The following XYLT2 variants were observed in gnomAD, a reference collection of about 807,000 sequenced individuals.
The protein encoded by XYLT2 is UDP-D-xylose:proteoglycan core protein beta-D-xylosyltransferase.
In XYLT2, 37 loss-of-function variants were observed where a neutral mutation model predicts 82.6. The ratio of observed to expected loss-of-function variants is 0.45; its 90% confidence interval spans 0.34 to 0.59. The LOEUF (loss-of-function observed/expected upper bound fraction) is 0.59. XYLT2 is among the 20% of genes least tolerant of loss of function. The probability of loss-of-function intolerance (pLI) is 0.01; values close to 1 mark genes in which losing one functional copy is unlikely to be tolerated. For synonymous variants in XYLT2, 474 were observed against 499.0 expected, an observed-to-expected ratio of 0.95 and a Z score of 0.67; for missense variants, 934 against 1,181.3, an observed-to-expected ratio of 0.79 and a Z score of 3.07.
At chr17:50,348,638 C>T (rs902470057) in intron 1 of XYLT2, among the ~76,000 whole-genome samples, 1 of 152,202 alleles carries the variant, frequency 6.6e-6, no homozygotes. Context: ...AACACCATCT[C>T]ACCACTTGTT....
chr17:50,357,418 A>G, intron 9 of XYLT2, 166 bp downstream of exon 9: 1 of 631,406 alleles, frequency 1.6e-6, no homozygotes, highest in Non-Finnish European at 2.7e-6. Flanking sequence ...GCCTGTGCAC[A>G]CTGAGGAGCA....
At chr17:50,354,291 A>G (rs1399278758) in intron 2 of XYLT2, 117 bp from the exon 3 acceptor site, 1 of 1,488,950 alleles carries the variant, frequency 6.7e-7, no homozygotes, top group African/African-American at 1.4e-5. Context: ...GTGGGGACCC[A>G]CGAGCATGGA....
chr17:50,354,071 C>A lies in XYLT2; in HGVS notation c.577C>A (p.Gln193Lys), dbSNP rs1269693739. 6.2e-7 allele frequency: 1 copy of A among 1,607,764 alleles called. No homozygotes were observed. The highest frequency in any genetic ancestry group is 1.7e-5 in the Admixed American group (1 of 60,026). Residue 193 changes from glutamine to lysine, a missense_variant, in exon 2 of 11, where the codon CAG (glutamine) becomes AAG (lysine). By Grantham distance (53) the Gln-to-Lys change is moderately conservative (BLOSUM62 1). Transcript: ENST00000017003. The part of the protein sequence containing the change: ...QEIANVVCLH[Q>K]AGSLMPKAVP... Reference sequence around the variant, plus strand: ...GATCGCCAATGTGGTGTGCCTGCACCAGGCTGGGAGCCTCATGCCCAAGGC... The same window carrying A: ...GATCGCCAATGTGGTGTGCCTGCACAAGGCTGGGAGCCTCATGCCCAAGGC...
rs774325906 is a variant in XYLT2, at chr17:50,355,541, G to A, written c.1048G>A (p.Asp350Asn). 6.2e-7 allele frequency: 1 copy of A among 1,614,126 alleles called. No individual in the cohort carries two copies. Among genetic ancestry groups the A allele is most frequent in the Non-Finnish European group, 8.5e-7 (1 of 1,180,028 alleles). ...GGTGGCATTCCTATCCAAGAACCGGGACAAGAATTTCCTCAAGTCACATGG... is the reference window on the plus strand; with the variant it reads ...GGTGGCATTCCTATCCAAGAACCGGAACAAGAATTTCCTCAAGTCACATGG... ...ELVAFLSKNR[D>N]KNFLKSHGRD... The change falls in exon 5 of 11, where the codon GAC becomes AAC. Residue 350 changes from aspartate (D) to asparagine (N), a missense_variant. Asp to Asn is a conservative substitution (Grantham distance 23). This residue lies in a region of XYLT2 where 189 missense variants were observed against 320.8 expected (regional missense o/e 0.59). Coordinates refer to ENST00000017003, the MANE Select transcript of XYLT2 (RefSeq NM_022167.4).
rs371466649 is a variant in XYLT2, at chr17:50,358,433, G to A, written c.2168G>A (p.Arg723Gln). Residue 723 changes from arginine to glutamine, a missense_variant, in exon 10 of 11, where the codon CGG becomes CAG. By Grantham distance (43) the Arg-to-Gln change is conservative. This residue lies in a region of XYLT2 where 374 missense variants were observed against 465.6 expected (regional missense o/e 0.80). Coordinates refer to ENST00000017003, the MANE Select transcript of XYLT2 (RefSeq NM_022167.4). Reference sequence around the variant, plus strand: ...AAGCCCCCACTGAGCCGGCCCCTGCGGCCAGGGCCCTGGACTGTTCGACTC... The same window carrying A: ...AAGCCCCCACTGAGCCGGCCCCTGCAGCCAGGGCCCTGGACTGTTCGACTC... Reference protein sequence around the residue: ...QYKPPLSRPLRPGPWTVRLLQ... With the variant: ...QYKPPLSRPLQPGPWTVRLLQ... The A allele has an allele frequency of 6.8e-6, 11 of 1,614,156 alleles. No individual in the cohort carries two copies. Among genetic ancestry groups the A allele is most frequent in the Non-Finnish European group, 9.3e-6 (11 of 1,180,052 alleles).
rs779864368 is a variant in XYLT2, at chr17:50,356,605, A to AC, written c.1584dup (p.Gly529ArgfsTer17). On this transcript the variant is annotated frameshift_variant, in exon 8 of 11. Coordinates refer to ENST00000017003, the MANE Select transcript of XYLT2 (RefSeq NM_022167.4). LOFTEE classifies it high-confidence loss of function. ...CTGGACTTCCACCTGTATGGCAGCTACCCCCCCGGCACGCCAGCCCTCAAG... is the reference window on the plus strand; with the variant it reads ...CTGGACTTCCACCTGTATGGCAGCTACCCCCCCCGGCACGCCAGCCCTCAAG... 11 of 1,613,006 alleles carry AC rather than the reference A, an allele frequency of 6.8e-6. No individual in the cohort carries two copies. The highest frequency in any genetic ancestry group is 1.1e-5 in the South Asian group (1 of 91,026).
Position 50,354,069 on chromosome 17 carries a change from A to C in XYLT2, c.575A>C (p.His192Pro). Residue 192 changes from histidine (H) to proline (P), a missense_variant, in exon 2 of 11, where the codon CAC (histidine) becomes CCC (proline). Transcript: ENST00000017003. Reference sequence around the variant, plus strand: ...GAGATCGCCAATGTGGTGTGCCTGCACCAGGCTGGGAGCCTCATGCCCAAG... The same window carrying C: ...GAGATCGCCAATGTGGTGTGCCTGCCCCAGGCTGGGAGCCTCATGCCCAAG... ...QQEIANVVCLHQAGSLMPKAV... is the reference protein window; with the variant it reads ...QQEIANVVCLPQAGSLMPKAV... The C allele has an allele frequency of 6.2e-7, 1 of 1,607,970 alleles. No individual in the cohort carries two copies. The highest frequency in any genetic ancestry group is 1.3e-5 in the African/African-American group (1 of 75,062).
At position 50,360,473 on chromosome 17, in the gene XYLT2, G is replaced by A; in HGVS notation, c.*182G>A. 5.2e-6 allele frequency: 7 copies of A among 1,334,182 alleles called. No homozygotes were observed. The highest frequency in any genetic ancestry group is 6.7e-6 in the Non-Finnish European group (7 of 1,045,986). 82.6% of individuals were successfully genotyped at this position (1,334,182 alleles called of 1,614,324 possible). On this transcript the variant is annotated 3_prime_UTR_variant, in exon 11 of 11. Coordinates refer to ENST00000017003, the MANE Select transcript of XYLT2 (RefSeq NM_022167.4). ...ATGAACTACTGCTGATGTCTCTGTT[G>A]GGGATCAGAGGGCTGGCGGGAACGC...
In XYLT2 at chr17:50,346,519, C is replaced by T. The variant is rs1233027374; in HGVS notation, c.135+244C>T. On this transcript the variant is annotated intron_variant, in intron 1 of 10. Transcript: ENST00000017003. The surrounding 1 kb of genome is among the most constrained non-coding windows in gnomAD (Gnocchi z 5.1). ...GGGCCCTGGTGGATTGGGAGTCGGG[C>T]GGGGGGAGCAGGTCATGCTAGGGTG... is the stretch of plus-strand genomic sequence containing the variant. 18 of 876,070 alleles carry T rather than the reference C, an allele frequency of 2.1e-5. No homozygotes were observed. Among genetic ancestry groups the T allele is most frequent in the Non-Finnish European group, 2.3e-5 (17 of 730,404 alleles). 54.3% of individuals were successfully genotyped at this position (876,070 alleles called of 1,614,324 possible).
chr17:50,357,936 C>CA (rs1377527637), intron 9 of XYLT2: 1 of 453,220 alleles, frequency 2.2e-6, no homozygotes, highest in African/African-American at 1.9e-5. Flanking sequence ...GGTCTCTGGG[C>CA]AGGACTTTGA....
At position 50,346,881 on chromosome 17, in the gene XYLT2, G is replaced by T. The variant is rs1272357343; in HGVS notation, c.135+606G>T. 5 of 985,298 alleles carry T rather than the reference G, an allele frequency of 5.1e-6. No homozygotes were observed. The highest frequency in any genetic ancestry group is 2.3e-4 in the East Asian group (2 of 8,818). The allele number at this position is 985,298 out of a possible 1,614,324, so 61.0% of individuals were successfully genotyped here. A position where few individuals can be genotyped will look rare whatever the true frequency, so the allele number is the denominator to read the frequency against. The stretch of plus-strand genomic sequence containing the variant: ...CGAGGTGTGGCTTCCTCAGCCGGGG[G>T]TTTGAAGAACCTGGATGGGTCTCCG... On this transcript the variant is annotated intron_variant, in intron 1 of 10. Transcript: ENST00000017003. The surrounding 1 kb of genome is among the most constrained non-coding windows in gnomAD (Gnocchi z 5.1).
rs777713394 is a variant in XYLT2, at chr17:50,358,385, C to G, written c.2120C>G (p.Thr707Arg). 6.2e-7 allele frequency: 1 copy of G among 1,614,104 alleles called. No homozygotes were observed. The highest frequency in any genetic ancestry group is 2.2e-5 in the East Asian group (1 of 44,890). Residue 707 changes from threonine to arginine, a missense_variant, in exon 10 of 11, where the codon ACG (threonine) becomes AGG (arginine). Physicochemically the swap from Thr to Arg is moderately conservative, Grantham distance 71. Transcript: ENST00000017003. Reference sequence around the variant, plus strand: ...ACATCTTATGACATCACAGTAGATACGGAGACTGAGGTCACGCAATACAAG... The same window carrying G: ...ACATCTTATGACATCACAGTAGATAGGGAGACTGAGGTCACGCAATACAAG... ...VATSYDITVD[T>R]ETEVTQYKPP... is the part of the protein sequence containing the mutation.
chr17:50,358,454 G>A lies in XYLT2; in HGVS notation c.2189G>A (p.Arg730Gln), dbSNP rs562467053. The A allele has an allele frequency of 3.6e-5, 58 of 1,614,144 alleles. No homozygotes were observed. Among genetic ancestry groups the A allele is most frequent in the Non-Finnish European group, 3.5e-5 (41 of 1,180,032 alleles). ...CTGCGGCCAGGGCCCTGGACTGTTC[G>A]ACTCCTTCAGTTCTGGGAACCGCTG... ...RPLRPGPWTV[R>Q]LLQFWEPLGE... Residue 730 changes from arginine to glutamine, a missense_variant, in exon 10 of 11, where the codon CGA (arginine) becomes CAA (glutamine). By Grantham distance (43) the Arg-to-Gln change is conservative. Transcript: ENST00000017003.
In XYLT2 at chr17:50,346,579, G is replaced by A; in HGVS notation, c.135+304G>A. On this transcript the variant is annotated intron_variant, in intron 1 of 10. Coordinates refer to ENST00000017003, the MANE Select transcript of XYLT2 (RefSeq NM_022167.4). This position sits in a 1 kb window ranked among gnomAD's most constrained non-coding sequence, Gnocchi z 5.1. Reference sequence around the variant, plus strand: ...CAAGGGAGCGATGAAGGTCAGGCGCGGCGAGCGGGGCTGGGAGGCGGGGCT... The same window carrying A: ...CAAGGGAGCGATGAAGGTCAGGCGCAGCGAGCGGGGCTGGGAGGCGGGGCT... 3 of 981,226 alleles carry A rather than the reference G, an allele frequency of 3.1e-6. No individual in the cohort carries two copies. Among genetic ancestry groups the A allele is most frequent in the Non-Finnish European group, 3.6e-6 (3 of 826,094 alleles). 60.8% of individuals were successfully genotyped at this position (981,226 alleles called of 1,614,324 possible). A position where few individuals can be genotyped will look rare whatever the true frequency, so the allele number is the denominator to read the frequency against.
Position 50,360,416 on chromosome 17 carries a change from C to CAG in XYLT2, c.*125_*126insAG, listed in dbSNP as rs1305017482. On this transcript the variant is annotated 3_prime_UTR_variant, in exon 11 of 11. Transcript: ENST00000017003. ...GCACACCCATTTCAGCCATCAAGAA[C>CAG]CCACACAGACGGCAGGGAAGGTGGA... 2 of 1,432,836 alleles carry CAG rather than the reference C, an allele frequency of 1.4e-6. No homozygotes were observed. Among genetic ancestry groups the CAG allele is most frequent in the East Asian group, 5.0e-5 (2 of 39,812 alleles). The allele number at this position is 1,432,836 out of a possible 1,614,324, so 88.8% of individuals were successfully genotyped here.
At chr17:50,350,809 C>G (rs1354986511) in intron 1 of XYLT2, among the ~76,000 whole-genome samples, 5 of 152,022 alleles carry the variant, frequency 3.3e-5, no homozygotes, top group South Asian at 2.1e-4. Flanking sequence ...GGTGGCCCTA[C>G]TGAGAAGATG....
chr17:50,351,737 C>A (rs1351168351), intron 1 of XYLT2, among the ~76,000 whole-genome samples: 1 of 152,094 alleles, frequency 6.6e-6, no homozygotes, highest in African/African-American at 2.4e-5. Flanking sequence ...AGGTTGGGGT[C>A]GAAGAGCAGG....
intron 8 of XYLT2, 43 bp from the exon 9 acceptor site, chr17:50,357,014 G>A: frequency 6.4e-7 from 1 of 1,552,134 alleles, no homozygotes; most frequent in Non-Finnish European, 8.7e-7. Context: ...GGCCAAGTCA[G>A]GTGTGCTGAT....
rs749765285 is a variant in XYLT2 at position 50,356,667 on chromosome 17, C to T, written c.1639C>T (p.Pro547Ser). Residue 547 changes from proline (P) to serine (S), a missense_variant, in exon 8 of 11, where the codon CCC (proline) becomes TCC (serine). Transcript: ENST00000017003. ...GAACACCTACGACGCGGCTGATGGC[C>T]CCAGTGGGCTCAGTGATGTCATGCT... The part of the protein sequence containing the change: ...WENTYDAADG[P>S]SGLSDVMLTA... 4.3e-6 allele frequency: 7 copies of T among 1,613,830 alleles called. No individual in the cohort carries two copies. Among genetic ancestry groups the T allele is most frequent in the Non-Finnish European group, 5.1e-6 (6 of 1,180,028 alleles).
Sources: gnomAD v4.1 joint callset for allele counts (sites outside exome capture counted in the v4.1 genomes callset) on GRCh38, gnomAD v4.1.1 for gene constraint, gnomAD v4.1.1 regional missense constraint, Gnocchi (gnomAD v3.1) non-coding constraint, MANE v1.5 for transcripts, NCBI Gene and HGNC (gene_info 2026-07-23, HGNC 2026-07-21) for gene names.